The following ETS1 variants were observed in gnomAD, a reference collection of about 807,000 sequenced individuals.
ETS1 encodes ETS proto-oncogene 1, transcription factor.
A neutral mutation model predicts 58.6 loss-of-function variants in ETS1; 15 were observed. That is an observed-to-expected ratio of 0.26 (90% CI 0.17 to 0.39). The LOEUF (loss-of-function observed/expected upper bound fraction) is 0.39. Ranked by LOEUF, ETS1 falls within the 10% of genes least tolerant of loss-of-function variation. The pLI, the probability that ETS1 is intolerant of heterozygous loss-of-function variation, is 1.00. For synonymous variants in ETS1, 214 were observed against 218.2 expected (o/e 0.98, Z 0.17); for missense variants, 417 against 610.5 (o/e 0.68, Z 3.34).
At chr11:128,488,893 G>A (rs1862714105) in intron 5 of ETS1, among the ~76,000 whole-genome samples, 1 of 152,114 alleles carries the variant, frequency 6.6e-6, no homozygotes, top group African/African-American at 2.4e-5. Flanking sequence ...GTATTATGGG[G>A]CATGCATCAA....
intron 1 of ETS1, among the ~76,000 whole-genome samples, chr11:128,585,790 G>T (rs980014589): frequency 2.0e-5 from 3 of 152,174 alleles, no homozygotes; most frequent in Non-Finnish European, 2.9e-5. Flanking sequence ...GCACAGACAC[G>T]TTCAATCCCT....
chr11:128,538,751 C>A (rs1864009156), intron 3 of ETS1, among the ~76,000 whole-genome samples: 1 of 141,034 alleles, frequency 7.1e-6, no homozygotes, highest in South Asian at 2.2e-4. Context: ...CACACATACA[C>A]ACATACACAC....
At chr11:128,576,727 C>T (rs1427831793) in intron 1 of ETS1, among the ~76,000 whole-genome samples, 3 of 151,986 alleles carry the variant, frequency 2.0e-5, no homozygotes, top group African/African-American at 7.3e-5. Flanking sequence ...GCCGTGACCC[C>T]TGCACCCTCC....
rs1490453097 is a variant in ETS1, at chr11:128,583,977, A to G, written c.-15+3511T>C. On this transcript the variant is annotated intron_variant, in intron 1 of 9. Coordinates refer to ENST00000392668, the MANE Select transcript of ETS1 (RefSeq NM_001143820.2). ...CCAAAGCATGTATAGGTTATACTAC[A>G]CTACTTAATAATTATATTGTCTTTC... Among the ~76,000 whole-genome samples the G allele has an allele frequency of 2.0e-5, 3 of 152,194 alleles. No homozygotes were observed. The East Asian group carries it at 5.8e-4, about 29-fold the overall frequency.
chr11:128,558,649 C>CAAAAAAAAAAAAA (rs201114905), intron 2 of ETS1, among the ~76,000 whole-genome samples: 2 of 103,442 alleles, frequency 1.9e-5, no homozygotes, highest in Non-Finnish European at 4.0e-5. Flanking sequence ...ATATCCATCC[C>CAAAAAAAAAAAAA]AAAAAAAAAA....
At chr11:128,469,372 C>T (rs1224837443) in intron 8 of ETS1, among the ~76,000 whole-genome samples, 1 of 152,202 alleles carries the variant, frequency 6.6e-6, no homozygotes, top group Non-Finnish European at 1.5e-5. Context: ...TCCCTTCCAG[C>T]CAGGTGTCTC....
At chr11:128,496,978 A>G (rs1158406679) in intron 3 of ETS1, among the ~76,000 whole-genome samples, 1 of 152,184 alleles carries the variant, frequency 6.6e-6, no homozygotes, top group African/African-American at 2.4e-5. Flanking sequence ...CTCAGTGCCC[A>G]TGCTGAGGCC....
intron 3 of ETS1, among the ~76,000 whole-genome samples, chr11:128,518,741 G>A (rs1863587631): frequency 1.3e-5 from 2 of 152,208 alleles, no homozygotes; most frequent in Non-Finnish European, 2.9e-5. Flanking sequence ...TGTCTACACT[G>A]ATGAAGAAAC....
chr11:128,466,543 T>G (rs10893873), intron 8 of ETS1, among the ~76,000 whole-genome samples: 1 of 151,894 alleles, frequency 6.6e-6, no homozygotes, highest in African/African-American at 2.4e-5. Context: ...TTTCTACCAG[T>G]GCATTTTCCA....
chr11:128,501,130 A>G (rs1863078659), intron 3 of ETS1, among the ~76,000 whole-genome samples: 1 of 151,900 alleles, frequency 6.6e-6, no homozygotes, highest in African/African-American at 2.4e-5. Flanking sequence ...CAGGTTTCCA[A>G]ACTCCGTGGT....
intron 3 of ETS1, among the ~76,000 whole-genome samples, chr11:128,507,224 G>A (rs556368457): frequency 1.3e-5 from 2 of 152,196 alleles, no homozygotes; most frequent in Admixed American, 1.3e-4. Flanking sequence ...AGATCGAGCC[G>A]GGCTCCACCC....
Position 128,463,715 on chromosome 11 carries a change from C to T in ETS1, c.1124-88G>A. 1.3e-6 allele frequency: 1 copy of T among 752,066 alleles called. No individual in the cohort carries two copies. Among genetic ancestry groups the T allele is most frequent in the Non-Finnish European group, 2.4e-6 (1 of 415,182 alleles). The allele number at this position is 752,066 out of a possible 1,614,324, so 46.6% of individuals were successfully genotyped here. A position where few individuals can be genotyped will look rare whatever the true frequency, so the allele number is the denominator to read the frequency against. On this transcript the variant is annotated intron_variant, in intron 8 of 9. Coordinates refer to ENST00000392668, the MANE Select transcript of ETS1 (RefSeq NM_001143820.2). This position sits in a 1 kb window ranked among gnomAD's most constrained non-coding sequence, Gnocchi z 4.1. ...CCACACACGGCACTCCCACATCCCTCTTCTCTCAGCCCATCCAGCCAGGAG... is the reference window on the plus strand; with the variant it reads ...CCACACACGGCACTCCCACATCCCTTTTCTCTCAGCCCATCCAGCCAGGAG...
At chr11:128,552,556 G>A (rs1242555123) in intron 3 of ETS1, among the ~76,000 whole-genome samples, 1 of 152,202 alleles carries the variant, frequency 6.6e-6, no homozygotes, top group Non-Finnish European at 1.5e-5. Context: ...AAGTTTGGCT[G>A]ATTTCAGACA....
chr11:128,541,814 G>A (rs1864062053), intron 3 of ETS1, among the ~76,000 whole-genome samples: 1 of 152,062 alleles, frequency 6.6e-6, no homozygotes, highest in Admixed American at 6.5e-5. Context: ...AGTCTCAGAG[G>A]AAAGACAAAA....
At chr11:128,494,468 A>G (rs2135468597) in intron 3 of ETS1, among the ~76,000 whole-genome samples, 1 of 152,342 alleles carries the variant, frequency 6.6e-6, no homozygotes, top group East Asian at 1.9e-4. Context: ...CTACAGAAGA[A>G]TAAGCTAGTG....
chr11:128,533,291 G>A (rs1863927386), intron 3 of ETS1, among the ~76,000 whole-genome samples: 2 of 152,216 alleles, frequency 1.3e-5, no homozygotes, highest in Non-Finnish European at 2.9e-5. Flanking sequence ...GCCATTGCAG[G>A]AGAGTGTCAG....
rs116134443 is a variant in ETS1 at position 128,582,032 on chromosome 11, G to A, written c.-15+5456C>T. Among the ~76,000 whole-genome samples the A allele has an allele frequency of 4.8e-3, 731 of 152,196 alleles. 7 individuals carry two copies. Among genetic ancestry groups the A allele is most frequent in the African/African-American group, 0.016 (661 of 41,522 alleles). On this transcript the variant is annotated intron_variant, in intron 1 of 9. Transcript: ENST00000392668. ...TGGAGTTTCATTTGTTTTATTACCC[G>A]AAATGTAAGGTTCCAATTTCTCAGT...
chr11:128,484,729 T>C, intron 7 of ETS1, 94 bp downstream of exon 7: 2 of 1,205,384 alleles, frequency 1.7e-6, no homozygotes, highest in East Asian at 2.4e-5. Flanking sequence ...ACAGGTCTAA[T>C]AAATAAGAAA....
At chr11:128,566,899 T>A (rs1047206120) in intron 2 of ETS1, among the ~76,000 whole-genome samples, 1 of 152,178 alleles carries the variant, frequency 6.6e-6, no homozygotes, top group African/African-American at 2.4e-5. Context: ...CACAGCTGCC[T>A]GGACCAGGAG....
Sources: gnomAD v4.1 joint callset for allele counts (sites outside exome capture counted in the v4.1 genomes callset) on GRCh38, gnomAD v4.1.1 for gene constraint, Gnocchi (gnomAD v3.1) non-coding constraint, MANE v1.5 for transcripts, NCBI Gene and HGNC (gene_info 2026-07-23, HGNC 2026-07-21) for gene names.